Variants in ARMH3 observed in about 807,000 individuals in gnomAD.
ARMH3 encodes armadillo like helical domain containing 3.
A neutral mutation model predicts 99.1 loss-of-function variants in ARMH3; 60 were observed. The observed-to-expected ratio is 0.61, with a 90% CI of 0.49 to 0.75. The LOEUF (loss-of-function observed/expected upper bound fraction) is 0.75. Ranked by LOEUF, ARMH3 falls within the 30% of genes least tolerant of loss-of-function variation. The probability of loss-of-function intolerance (pLI) is 0.00; values close to 1 mark genes in which losing one functional copy is unlikely to be tolerated. For missense variants in ARMH3, 679 were observed against 843.1 expected (o/e 0.81, Z 2.41); for synonymous variants, 285 against 292.8 (o/e 0.97, Z 0.27).
chr10:101,952,958 G>T (rs993872299), intron 22 of ARMH3, among the ~76,000 whole-genome samples: 1 of 152,104 alleles, frequency 6.6e-6, no homozygotes, highest in Non-Finnish European at 1.5e-5. Context: ...TATCCTCAAG[G>T]TTCATACACA....
intron 19 of ARMH3, among the ~76,000 whole-genome samples, chr10:101,981,710 A>G (rs1846239910): frequency 1.3e-5 from 2 of 151,156 alleles, no homozygotes; most frequent in Admixed American, 6.6e-5. Context: ...CTATTTAAAC[A>G]GTACTCTCTT....
intron 20 of ARMH3, among the ~76,000 whole-genome samples, chr10:101,971,067 A>C (rs1032501323): frequency 6.9e-6 from 1 of 143,956 alleles, no homozygotes; most frequent in African/African-American, 2.6e-5. Context: ...ACTGCACTCC[A>C]GCCTGGGCAA....
intron 19 of ARMH3, among the ~76,000 whole-genome samples, chr10:101,985,239 T>C (rs1462899203): frequency 6.7e-6 from 1 of 149,174 alleles, no homozygotes; most frequent in Admixed American, 6.7e-5. Flanking sequence ...TATACATGTA[T>C]ATATACGTGT....
chr10:101,890,604 T>G (rs2067666277), intron 23 of ARMH3, among the ~76,000 whole-genome samples: 1 of 152,192 alleles, frequency 6.6e-6, no homozygotes, highest in Non-Finnish European at 1.5e-5. Context: ...CTATAGGAAA[T>G]GAAGTTTATT....
chr10:101,878,014 T>C (rs1281429282), intron 24 of ARMH3, among the ~76,000 whole-genome samples: 1 of 152,084 alleles, frequency 6.6e-6, no homozygotes, highest in Non-Finnish European at 1.5e-5. Context: ...TCCCAGCACA[T>C]TGTGAGGCCA....
chr10:101,851,833 C>G (rs1014122542), intron 24 of ARMH3, among the ~76,000 whole-genome samples: 1 of 152,218 alleles, frequency 6.6e-6, no homozygotes, highest in African/African-American at 2.4e-5. Context: ...GTCCCACAGA[C>G]TGTAGTATAG....
intron 24 of ARMH3, among the ~76,000 whole-genome samples, 198 bp from the exon 25 acceptor site, chr10:101,850,090 C>CTTTTTTT (rs754571008): frequency 9.9e-5 from 9 of 91,342 alleles, no homozygotes; most frequent in Admixed American, 1.3e-4. Flanking sequence ...CTCTCTCTCT[C>CTTTTTTT]TTTTTTTTTT....
At chr10:101,944,545 T>C (rs1268515521) in intron 22 of ARMH3, among the ~76,000 whole-genome samples, 2 of 151,900 alleles carry the variant, frequency 1.3e-5, no homozygotes, top group Non-Finnish European at 1.5e-5. Flanking sequence ...CAGGCATGGT[T>C]ACTCACGCTT....
At chr10:102,007,351 A>C (rs2066522778) in intron 13 of ARMH3, among the ~76,000 whole-genome samples, 1 of 151,402 alleles carries the variant, frequency 6.6e-6, no homozygotes, top group African/African-American at 2.4e-5. Context: ...AAAAAAAAAA[A>C]AACTGGGGTC....
chr10:101,961,712 G>T (rs1845309310), intron 20 of ARMH3, among the ~76,000 whole-genome samples: 1 of 152,110 alleles, frequency 6.6e-6, no homozygotes, highest in African/African-American at 2.4e-5. Flanking sequence ...TTAGAAAACT[G>T]CCCTTGATCC....
intron 8 of ARMH3, among the ~76,000 whole-genome samples, chr10:102,021,159 C>T (rs547819203): frequency 6.6e-6 from 1 of 152,266 alleles, no homozygotes; most frequent in Admixed American, 6.5e-5. Context: ...TCACTGTAAC[C>T]TCCACCTCCT....
At position 101,990,497 on chromosome 10, in the gene ARMH3, T is replaced by C. The variant is rs1846740805; in HGVS notation, c.1406+54A>G. On this transcript the variant is annotated intron_variant, in intron 19 of 25. Coordinates refer to ENST00000370033, the MANE Select transcript of ARMH3 (RefSeq NM_024541.3). ...ACACAGACCATGAATTTTCTAACAT[T>C]CAGTTCTTTAAAATAGATTTGTACA... 3 of 1,384,054 alleles carry C rather than the reference T, an allele frequency of 2.2e-6. No homozygotes were observed. The East Asian group carries it at 6.9e-5, about 32-fold the overall frequency. The allele number at this position is 1,384,054 out of a possible 1,614,324, so 85.7% of individuals were successfully genotyped here.
intron 22 of ARMH3, among the ~76,000 whole-genome samples, chr10:101,954,504 C>T (rs977943457): frequency 6.6e-6 from 1 of 152,128 alleles, no homozygotes; most frequent in African/African-American, 2.4e-5. Context: ...GAAAACAGAT[C>T]AGTGGTTGCT....
chr10:102,039,720 T>G (rs879631875), intron 2 of ARMH3, among the ~76,000 whole-genome samples: 11 of 152,314 alleles, frequency 7.2e-5, no homozygotes, highest in Non-Finnish European at 1.2e-4. Context: ...AGCAAGTCTT[T>G]CTTTAAAATA....
intron 24 of ARMH3, among the ~76,000 whole-genome samples, chr10:101,883,382 C>A (rs2135417684): frequency 6.6e-6 from 1 of 151,940 alleles, no homozygotes; most frequent in African/African-American, 2.4e-5. Context: ...ACTCCATGCA[C>A]TCCAGCCTGG....
chr10:101,884,695 T>C (rs1292270167), intron 24 of ARMH3, among the ~76,000 whole-genome samples: 2 of 152,066 alleles, frequency 1.3e-5, no homozygotes, highest in Non-Finnish European at 2.9e-5. Flanking sequence ...GGGAAAAGCT[T>C]CATAACATTA....
intron 1 of ARMH3, among the ~76,000 whole-genome samples, chr10:102,051,862 G>C (rs189219070): frequency 6.6e-6 from 1 of 152,122 alleles, no homozygotes; most frequent in Admixed American, 6.6e-5. Flanking sequence ...ATGAGCTCTC[G>C]TTCATTTAAA....
At chr10:101,929,675 A>G (rs973651701) in intron 23 of ARMH3, among the ~76,000 whole-genome samples, 5 of 152,230 alleles carry the variant, frequency 3.3e-5, no homozygotes, top group Non-Finnish European at 7.3e-5. Context: ...AGCAAGCACT[A>G]AAGAAATAAC....
chr10:102,047,100 G>A (rs2136278900), intron 1 of ARMH3, among the ~76,000 whole-genome samples: 1 of 152,316 alleles, frequency 6.6e-6, no homozygotes, highest in Admixed American at 6.5e-5. Flanking sequence ...AAGAATCTGA[G>A]TGTCTAGTCA....
Sources: gnomAD v4.1 joint callset for allele counts (sites outside exome capture counted in the v4.1 genomes callset) on GRCh38, gnomAD v4.1.1 for gene constraint, MANE v1.5 for transcripts, NCBI Gene and HGNC (gene_info 2026-07-23, HGNC 2026-07-21) for gene names.